Variants in SIPA1L3 observed in about 807,000 individuals in gnomAD.
SIPA1L3 encodes the protein signal induced proliferation associated 1 like 3, also known as signal-induced proliferation-associated 1-like protein 3.
Under a neutral mutation model 150.1 loss-of-function variants are expected in SIPA1L3, and 59 were observed. The ratio of observed to expected loss-of-function variants is 0.39; its 90% CI spans 0.32 to 0.49. The LOEUF is 0.49. Ranked by LOEUF, SIPA1L3 falls within the 20% of genes least tolerant of loss-of-function variation. SIPA1L3 has a pLI of 0.86. For missense variants in SIPA1L3, 2,211 were observed against 2,489.5 expected, an observed-to-expected ratio of 0.89 and a Z score of 2.38; for synonymous variants, 1,070 against 1,077.6, an observed-to-expected ratio of 0.99 and a Z score of 0.14.
At chr19:38,192,614 A>G (rs1471271323) in intron 17 of SIPA1L3, among the ~76,000 whole-genome samples, 2 of 152,122 alleles carry the variant, frequency 1.3e-5, no homozygotes, top group Non-Finnish European at 2.9e-5. Flanking sequence ...CAGGATAGAA[A>G]CAGCCACATC....
chr19:38,091,212 C>T (rs994589752), intron 4 of SIPA1L3, among the ~76,000 whole-genome samples: 1 of 151,824 alleles, frequency 6.6e-6, no homozygotes, highest in Non-Finnish European at 1.5e-5. Context: ...ATGGTAAAAC[C>T]CTGTCTGTAC....
intron 9 of SIPA1L3, among the ~76,000 whole-genome samples, chr19:38,121,930 T>C (rs1197329927): frequency 6.8e-6 from 1 of 146,432 alleles, no homozygotes; most frequent in African/African-American, 2.5e-5. Flanking sequence ...AAAAAAAAAA[T>C]GAAAAAGTGG....
intron 2 of SIPA1L3, among the ~76,000 whole-genome samples, chr19:38,060,717 GTTTC>G (rs1261005358): frequency 1.3e-5 from 2 of 152,016 alleles, no homozygotes; most frequent in Non-Finnish European, 2.9e-5. Flanking sequence ...TTGAGACAGA[GTTTC>G]GCTCTTGTTG....
intron 1 of SIPA1L3, among the ~76,000 whole-genome samples, chr19:37,930,876 A>G (rs1159224155): frequency 1.3e-5 from 2 of 151,046 alleles, no homozygotes; most frequent in Admixed American, 6.6e-5. Flanking sequence ...CACTCATACA[A>G]TATGTATCAG....
intron 1 of SIPA1L3, among the ~76,000 whole-genome samples, chr19:37,946,705 A>G (rs1427433467): frequency 6.6e-6 from 1 of 152,102 alleles, no homozygotes; most frequent in Non-Finnish European, 1.5e-5. Context: ...TTTGTTAAAC[A>G]TTCAGAGGCT....
At position 38,201,991 on chromosome 19, in the gene SIPA1L3, C is replaced by T. The variant is rs1029654839; in HGVS notation, c.5114C>T (p.Thr1705Ile). 6.2e-7 allele frequency: 1 copy of T among 1,608,954 alleles called. No individual in the cohort carries two copies. The highest frequency in any genetic ancestry group is 8.5e-7 in the Non-Finnish European group (1 of 1,177,898). ...RGPPTPRTTPTMSEEPPLDLT... is the reference protein window; with the variant it reads ...RGPPTPRTTPIMSEEPPLDLT... ...CCCCCGACCCCCAGGACCACCCCTA[C>T]CATGAGGTGAGGTTTCCCTGGGAAC... Residue 1705 changes from threonine to isoleucine, a missense_variant, in exon 20 of 22, where the codon ACC (threonine) becomes ATC (isoleucine). Physicochemically the swap from Thr to Ile is moderately conservative, Grantham distance 89. Around this residue, in one of 5 missense-constraint regions of SIPA1L3, gnomAD observed 63 missense variants for 106.1 expected, o/e 0.59. Transcript: ENST00000222345.
intron 15 of SIPA1L3, among the ~76,000 whole-genome samples, chr19:38,169,515 A>G (rs1412921128): frequency 6.6e-6 from 1 of 152,164 alleles, no homozygotes; most frequent in Non-Finnish European, 1.5e-5. Flanking sequence ...TCTGGGCCTC[A>G]GTTTCCTCAT....
In SIPA1L3 at chr19:38,106,626, A is replaced by G. The variant is rs754337984; in HGVS notation, c.2119A>G (p.Asn707Asp). ...HVSTLLPYTP[N>D]NRQQLLRKRH... is the part of the protein sequence containing the mutation. ...CTCCACCCTGCTCCCTTACACCCCC[A>G]ACAACAGGCAGCAGGTCAGTGATTT... The change falls in exon 7 of 22, where the codon AAC becomes GAC. Residue 707 changes from asparagine to aspartate, a missense_variant. Around this residue, in one of 5 missense-constraint regions of SIPA1L3, gnomAD observed 625 missense variants for 804.2 expected, o/e 0.78. Transcript: ENST00000222345. 6.2e-7 allele frequency: 1 copy of G among 1,611,548 alleles called. No individual in the cohort carries two copies. Among genetic ancestry groups the G allele is most frequent in the Non-Finnish European group, 8.5e-7 (1 of 1,177,824 alleles).
Position 38,206,592 on chromosome 19 carries a change from T to C in SIPA1L3, c.*352T>C, listed in dbSNP as rs1324512876. 2 of 199,790 alleles carry C rather than the reference T, an allele frequency of 1.0e-5. No individual in the cohort carries two copies. Among genetic ancestry groups the C allele is most frequent in the African/African-American group, 4.6e-5 (2 of 43,190 alleles). The allele number at this position is 199,790 out of a possible 1,614,324, so 12.4% of individuals were successfully genotyped here. ...TGATGGGGACGGAGAGAGGAGCCAG[T>C]CTCCAGACGCCTCGGCTCCAGGAGG... On this transcript the variant is annotated 3_prime_UTR_variant, in exon 22 of 22. Coordinates refer to ENST00000222345, the MANE Select transcript of SIPA1L3 (RefSeq NM_015073.3).
chr19:38,193,801 A>G (rs1458739256), intron 18 of SIPA1L3, 21 bp downstream of exon 18: 3 of 1,543,198 alleles, frequency 1.9e-6, no homozygotes, highest in Middle Eastern at 2.4e-4. Flanking sequence ...GCCCCCTGGG[A>G]CTGGCGCGGT....
chr19:38,036,520 G>A (rs1006270390), intron 2 of SIPA1L3, among the ~76,000 whole-genome samples: 1 of 152,210 alleles, frequency 6.6e-6, no homozygotes, highest in Non-Finnish European at 1.5e-5. Context: ...TCGCAGCTCC[G>A]TGGAGTGCTT....
intron 2 of SIPA1L3, among the ~76,000 whole-genome samples, chr19:38,076,508 C>G (rs1343980892): frequency 1.3e-5 from 2 of 152,202 alleles, no homozygotes; most frequent in African/African-American, 4.8e-5. Context: ...CACTCATCAT[C>G]TCCGCATGAG....
At chr19:37,987,088 T>C (rs1967373633) in intron 1 of SIPA1L3, among the ~76,000 whole-genome samples, 1 of 152,070 alleles carries the variant, frequency 6.6e-6, no homozygotes, top group Non-Finnish European at 1.5e-5. Flanking sequence ...CCACCATGCC[T>C]GGCTAATTTT....
chr19:38,032,154 C>T (rs922777731), intron 2 of SIPA1L3, among the ~76,000 whole-genome samples: 3 of 152,176 alleles, frequency 2.0e-5, no homozygotes, highest in African/African-American at 7.2e-5. Context: ...TTAATTGGAA[C>T]TCTTCTGTAA....
At chr19:38,008,337 C>T (rs866383743) in intron 1 of SIPA1L3, among the ~76,000 whole-genome samples, 2 of 144,470 alleles carry the variant, frequency 1.4e-5, no homozygotes, top group South Asian at 4.6e-4. Context: ...AAGCAATTCT[C>T]CTGTCTCAGC....
intron 2 of SIPA1L3, among the ~76,000 whole-genome samples, chr19:38,036,772 G>C (rs1008024631): frequency 2.0e-5 from 3 of 152,148 alleles, no homozygotes; most frequent in Admixed American, 2.0e-4. Context: ...GGTCAGGTGG[G>C]AGGGCTTAAC....
intron 8 of SIPA1L3, among the ~76,000 whole-genome samples, chr19:38,111,985 A>G (rs1970766352): frequency 7.1e-6 from 1 of 141,498 alleles, no homozygotes; most frequent in African/African-American, 2.8e-5. Context: ...ACATGCACAC[A>G]GGCACACACC....
In SIPA1L3 at chr19:38,081,919, G is replaced by A. The variant is rs373742070; in HGVS notation, c.354G>A (p.Arg118=). The A allele has an allele frequency of 1.2e-6, 2 of 1,614,048 alleles. No homozygotes were observed. Among genetic ancestry groups the A allele is most frequent in the Non-Finnish European group, 1.7e-6 (2 of 1,180,004 alleles). ...CCACCAAGATGGCCCATTCCATGAGGAGCATACAGAACGGACAGCCCCCCA... is the reference window on the plus strand; with the variant it reads ...CCACCAAGATGGCCCATTCCATGAGAAGCATACAGAACGGACAGCCCCCCA... ...TKATKMAHSM[R]SIQNGQPPTS... The change falls in exon 3 of 22, where the codon AGG becomes AGA. Residue 118 remains arginine, a synonymous_variant. Transcript: ENST00000222345.
chr19:38,110,673 A>T (rs543804375), intron 8 of SIPA1L3, among the ~76,000 whole-genome samples: 169 of 152,352 alleles, frequency 1.1e-3, no homozygotes, highest in Non-Finnish European at 2.2e-3. Flanking sequence ...AGTTGTGTAT[A>T]TAGGCTCTCA....
Sources: allele counts gnomAD v4.1 joint callset (sites outside exome capture counted in the v4.1 genomes callset), GRCh38; gene constraint gnomAD v4.1.1; regional missense constraint gnomAD v4.1.1; transcripts MANE v1.5; gene names NCBI Gene and HGNC (gene_info 2026-07-23, HGNC 2026-07-21).